Variants in ITGAV observed in about 807,000 individuals in gnomAD.
ITGAV encodes integrin alpha-V.
Under a neutral mutation model 143.8 loss-of-function variants are expected in ITGAV, and 76 were observed. The ratio of observed to expected loss-of-function variants is 0.53; its 90% CI spans 0.44 to 0.64. ITGAV has a LOEUF of 0.64. Among genes scored for constraint, ITGAV ranks in the 30% least tolerant of loss-of-function variants. The pLI, the probability that ITGAV is intolerant of heterozygous loss-of-function variation, is 0.00. For synonymous variants in ITGAV, 453 were observed against 446.7 expected, an observed-to-expected ratio of 1.01 and a Z score of -0.18; for missense variants, 1,193 against 1,274.7, an observed-to-expected ratio of 0.94 and a Z score of 0.98.
intron 4 of ITGAV, among the ~76,000 whole-genome samples, chr2:186,628,147 A>G (rs1242185539): frequency 6.6e-6 from 1 of 152,152 alleles, no homozygotes; most frequent in Non-Finnish European, 1.5e-5. Flanking sequence ...AAAACTTCTG[A>G]GGTATAAATT....
At chr2:186,592,096 A>C (rs1238600380) in intron 1 of ITGAV, among the ~76,000 whole-genome samples, 1 of 152,204 alleles carries the variant, frequency 6.6e-6, no homozygotes, top group Non-Finnish European at 1.5e-5. Flanking sequence ...ATTTGTAGAG[A>C]AATTCTAATG....
At chr2:186,642,687 AC>A (rs1454328593) in intron 12 of ITGAV, among the ~76,000 whole-genome samples, 1 of 145,590 alleles carries the variant, frequency 6.9e-6, no homozygotes. Flanking sequence ...GGCTCCCACC[AC>A]CTAGCCCAGC....
rs775007507 is a variant in ITGAV at position 186,622,404 on chromosome 2, G to A, written c.382G>A (p.Val128Met). 2 of 1,613,330 alleles carry A rather than the reference G, an allele frequency of 1.2e-6. No homozygotes were observed. Among genetic ancestry groups the A allele is most frequent in the South Asian group, 2.2e-5 (2 of 91,060 alleles). Reference protein sequence around the residue: ...FKSHQWFGASVRSKQDKILAC... With the variant: ...FKSHQWFGASMRSKQDKILAC... ...GTCCCATCAGTGGTTTGGAGCATCT[G>A]TGAGGTCGAAACAGGATAAAATTTT... Residue 128 changes from valine to methionine, a missense_variant, in exon 3 of 30, where the codon GTG becomes ATG. By Grantham distance (21) the Val-to-Met change is conservative. Transcript: ENST00000261023.
chr2:186,593,599 TTAATTA>T (rs1686671546), intron 1 of ITGAV, among the ~76,000 whole-genome samples: 1 of 152,262 alleles, frequency 6.6e-6, no homozygotes, highest in East Asian at 1.9e-4. Context: ...CATCCTAGGT[TTAATTA>T]TAATGATGAC....
chr2:186,626,614 A>C (rs1173635618), intron 4 of ITGAV, among the ~76,000 whole-genome samples: 1 of 152,246 alleles, frequency 6.6e-6, no homozygotes, highest in East Asian at 1.9e-4. Context: ...CCAGATTCTA[A>C]GTAGTTGAAC....
intron 12 of ITGAV, 142 bp from the exon 13 acceptor site, chr2:186,646,544 A>G (rs987155330): frequency 2.6e-5 from 15 of 576,818 alleles, no homozygotes; most frequent in Non-Finnish European, 3.7e-5. Flanking sequence ...AGATCTGTAC[A>G]AATAATTACA....
chr2:186,654,778 G>T, intron 16 of ITGAV, 70 bp downstream of exon 16: 1 of 669,602 alleles, frequency 1.5e-6, no homozygotes. Flanking sequence ...AATATTTTAA[G>T]ATATTCAAAT....
chr2:186,626,310 A>G (rs912758789), intron 4 of ITGAV, among the ~76,000 whole-genome samples: 4 of 152,322 alleles, frequency 2.6e-5, no homozygotes, highest in African/African-American at 9.6e-5. Context: ...CAAAATCTCT[A>G]CATCCTCTTC....
At chr2:186,603,255 A>G (rs1398775185) in intron 2 of ITGAV, among the ~76,000 whole-genome samples, 5 of 152,220 alleles carry the variant, frequency 3.3e-5, no homozygotes, top group African/African-American at 9.7e-5. Flanking sequence ...GTGCTTTAAG[A>G]TAAACCTGCA....
chr2:186,642,329 A>T (rs896821638), intron 12 of ITGAV, among the ~76,000 whole-genome samples: 3 of 152,058 alleles, frequency 2.0e-5, no homozygotes, highest in Admixed American at 2.0e-4. Context: ...TGCCCCCTTA[A>T]AACCTAAAGG....
chr2:186,645,737 G>A (rs1479593373), intron 12 of ITGAV, among the ~76,000 whole-genome samples: 1 of 152,168 alleles, frequency 6.6e-6, no homozygotes, highest in Non-Finnish European at 1.5e-5. Context: ...GGAGGCCGAG[G>A]TGTGTGGATC....
rs56789925 is a variant in ITGAV, at chr2:186,598,294, T to TACACACACACAC, written c.186-3703_186-3692dup. On this transcript the variant is annotated intron_variant, in intron 1 of 29. Coordinates refer to ENST00000261023, the MANE Select transcript of ITGAV (RefSeq NM_002210.5). Reference sequence around the variant, plus strand: ...TAATAAATTTACATATTATAATTTATACACACACACACACACACACACACA... The same window carrying TACACACACACAC: ...TAATAAATTTACATATTATAATTTATACACACACACACACACACACACACACACACACACACA... 5.9e-3 allele frequency among the ~76,000 whole-genome samples: 871 copies of TACACACACACAC among 147,960 alleles called. 3 individuals carry two copies. The highest frequency in any genetic ancestry group is 0.017 in the Middle Eastern group (5 of 294).
intron 1 of ITGAV, chr2:186,600,264 A>G: frequency 7.2e-7 from 1 of 1,392,152 alleles, no homozygotes; most frequent in African/African-American, 1.4e-5. Flanking sequence ...TCTGCCTCAC[A>G]TATTCCCTCC....
intron 4 of ITGAV, among the ~76,000 whole-genome samples, chr2:186,629,989 C>CA (rs1458232542): frequency 1.3e-5 from 2 of 152,070 alleles, no homozygotes; most frequent in Admixed American, 1.3e-4. Flanking sequence ...GGAACAACTA[C>CA]AAAAGAGTAC....
chr2:186,613,795 C>T (rs2105672655), intron 2 of ITGAV, among the ~76,000 whole-genome samples: 1 of 152,202 alleles, frequency 6.6e-6, no homozygotes, highest in South Asian at 2.1e-4. Flanking sequence ...TATTTCCTTA[C>T]TAAGTCAACG....
At chr2:186,642,828 C>G (rs543839061) in intron 12 of ITGAV, among the ~76,000 whole-genome samples, 2 of 152,150 alleles carry the variant, frequency 1.3e-5, no homozygotes, top group East Asian at 3.9e-4. Flanking sequence ...CTGTGCCTGG[C>G]CAACAGGAGA....
At position 186,652,000 on chromosome 2, in the gene ITGAV, T is replaced by A. The variant is rs1688446341; in HGVS notation, c.1416T>A (p.Thr472=). Residue 472 remains threonine (T), a synonymous_variant, in exon 15 of 30, where the codon ACT becomes ACA. Coordinates refer to ENST00000261023, the MANE Select transcript of ITGAV (RefSeq NM_002210.5). ...AILYRARPVI[T]VNAGLEVYPS... is the part of the protein sequence containing the mutation. ...CCGCTAGGGCCAGACCAGTTATCAC[T>A]GTAAATGCTGGTCTTGAAGTGTACC... 2 of 1,611,084 alleles carry A rather than the reference T, an allele frequency of 1.2e-6. No individual in the cohort carries two copies. The highest frequency in any genetic ancestry group is 1.7e-5 in the Admixed American group (1 of 59,942).
At chr2:186,655,931 C>A (rs61762255) in intron 16 of ITGAV, among the ~76,000 whole-genome samples, 1 of 152,234 alleles carries the variant, frequency 6.6e-6, no homozygotes, top group African/African-American at 2.4e-5. Flanking sequence ...ATGTTTCATC[C>A]TCTGGATTTC....
At chr2:186,616,599 G>A (rs1461146128) in intron 2 of ITGAV, among the ~76,000 whole-genome samples, 1 of 152,152 alleles carries the variant, frequency 6.6e-6, no homozygotes, top group Non-Finnish European at 1.5e-5. Flanking sequence ...TTTCAAAATA[G>A]CATTGGGTTA....
Sources: allele counts gnomAD v4.1 joint callset (sites outside exome capture counted in the v4.1 genomes callset), GRCh38; gene constraint gnomAD v4.1.1; transcripts MANE v1.5; gene names NCBI Gene and HGNC (gene_info 2026-07-23, HGNC 2026-07-21).